Variants in H3C1 observed in about 807,000 individuals in gnomAD.
H3C1 encodes H3 clustered histone 1, also known as histone H3.1.
Under a neutral mutation model 7.3 loss-of-function variants are expected in H3C1, and 14 were observed. The observed-to-expected ratio is 1.90, with a 90% CI of 1.26 to 2.98. The LOEUF (loss-of-function observed/expected upper bound fraction) is 2.98. Among genes scored for constraint, H3C1 ranks in the 30% most tolerant of loss-of-function variants. H3C1 has a pLI of 0.00. For missense variants in H3C1, 326 were observed against 192.2 expected (o/e 1.70, Z -4.12); for synonymous variants, 181 against 76.0 (o/e 2.38, Z -7.18).
At position 26,020,910 on chromosome 6, in the gene H3C1, T is replaced by G. The variant is rs928722406; in HGVS notation, c.*10T>G. ...CGGAGAGAGGGCGTGATTACTGTGG[T>G]CTCTCTGACGGTCCAAGCAAAGGCT... On this transcript the variant is annotated 3_prime_UTR_variant, in exon 1 of 1. Transcript: ENST00000613854. 3 of 1,613,200 alleles carry G rather than the reference T, an allele frequency of 1.9e-6. No individual in the cohort carries two copies. Among genetic ancestry groups the G allele is most frequent in the Non-Finnish European group, 1.7e-6 (2 of 1,179,540 alleles).
rs1561914285 is a variant in H3C1 at position 26,020,613 on chromosome 6, T to C, written c.124T>C (p.Tyr42His). 11 of 1,614,206 alleles carry C rather than the reference T, an allele frequency of 6.8e-6. No individual in the cohort carries two copies. Among genetic ancestry groups the C allele is most frequent in the South Asian group, 1.1e-5 (1 of 91,090 alleles). The change falls in exon 1 of 1, where the codon TAC becomes CAC. Residue 42 changes from tyrosine (Y) to histidine (H), a missense_variant. Tyr to His is a moderately conservative substitution (Grantham distance 83). Transcript: ENST00000613854. ...ATGGVKKPHR[Y>H]RPGTVALREI... ...CGGCGGCGTGAAAAAGCCCCACCGC[T>C]ACCGGCCGGGCACCGTGGCTCTGCG...
chr6:26,020,793 G>GT lies in H3C1; in HGVS notation c.305dup (p.Gly103ArgfsTer4). The GT allele has an allele frequency of 6.2e-7, 1 of 1,614,242 alleles. No individual in the cohort carries two copies. ...GCAGGAGGCGTGCGAGGCCTACTTG[G>GT]TAGGGCTATTTGAGGACACTAACCT... On this transcript the variant is annotated frameshift_variant, in exon 1 of 1. Coordinates refer to ENST00000613854, the MANE Select transcript of H3C1 (RefSeq NM_003529.3). LOFTEE classifies it high-confidence loss of function.
At position 26,020,577 on chromosome 6, in the gene H3C1, G is replaced by A. The variant is rs929355621; in HGVS notation, c.88G>A (p.Ala30Thr). The change falls in exon 1 of 1, where the codon GCT (alanine) becomes ACT (threonine). Residue 30 changes from alanine to threonine, a missense_variant. Ala to Thr is a moderately conservative substitution (Grantham distance 58). Coordinates refer to ENST00000613854, the MANE Select transcript of H3C1 (RefSeq NM_003529.3). ...GGCCACTAAGGCAGCCCGCAAAAGCGCTCCGGCCACCGGCGGCGTGAAAAA... is the reference window on the plus strand; with the variant it reads ...GGCCACTAAGGCAGCCCGCAAAAGCACTCCGGCCACCGGCGGCGTGAAAAA... ...QLATKAARKS[A>T]PATGGVKKPH... The A allele has an allele frequency of 1.2e-5, 20 of 1,614,056 alleles. No individual in the cohort carries two copies. The highest frequency in any genetic ancestry group is 1.5e-5 in the Non-Finnish European group (18 of 1,180,038).
Position 26,020,849 on chromosome 6 carries a change from C to T in H3C1, c.360C>T (p.Ile120=). ...LCAIHAKRVT[I]MPKDIQLARR... is the part of the protein sequence containing the mutation. Reference sequence around the variant, plus strand: ...CCATCCACGCCAAGCGCGTCACTATCATGCCCAAGGACATCCAGCTCGCCC... The same window carrying T: ...CCATCCACGCCAAGCGCGTCACTATTATGCCCAAGGACATCCAGCTCGCCC... The change falls in exon 1 of 1, where the codon ATC becomes ATT. Residue 120 remains isoleucine (I), a synonymous_variant. Transcript: ENST00000613854. 3 of 1,614,244 alleles carry T rather than the reference C, an allele frequency of 1.9e-6. No individual in the cohort carries two copies. The highest frequency in any genetic ancestry group is 2.5e-6 in the Non-Finnish European group (3 of 1,180,044).
chr6:26,020,744 C>G lies in H3C1; in HGVS notation c.255C>G (p.Phe85Leu). The G allele has an allele frequency of 6.2e-7, 1 of 1,614,274 alleles. No individual in the cohort carries two copies. The highest frequency in any genetic ancestry group is 8.5e-7 in the Non-Finnish European group (1 of 1,180,050). The part of the protein sequence containing the change: ...IAQDFKTDLR[F>L]QSSAVMALQE... Reference sequence around the variant, plus strand: ...AGGACTTTAAAACAGACCTGCGTTTCCAGAGCTCCGCTGTGATGGCTCTGC... The same window carrying G: ...AGGACTTTAAAACAGACCTGCGTTTGCAGAGCTCCGCTGTGATGGCTCTGC... Residue 85 changes from phenylalanine to leucine, a missense_variant, in exon 1 of 1, where the codon TTC becomes TTG. Coordinates refer to ENST00000613854, the MANE Select transcript of H3C1 (RefSeq NM_003529.3).
rs1215392834 is a variant in H3C1, at chr6:26,020,557, C to G, written c.68C>G (p.Thr23Ser). The part of the protein sequence containing the change: ...GGKAPRKQLA[T>S]KAARKSAPAT... ...AAGGCGCCACGCAAACAGTTGGCCA[C>G]TAAGGCAGCCCGCAAAAGCGCTCCG... Residue 23 changes from threonine to serine, a missense_variant, in exon 1 of 1, where the codon ACT becomes AGT. Physicochemically the swap from Thr to Ser is moderately conservative, Grantham distance 58 (BLOSUM62 1). Coordinates refer to ENST00000613854, the MANE Select transcript of H3C1 (RefSeq NM_003529.3). The G allele has an allele frequency of 1.2e-6, 2 of 1,614,084 alleles. No individual in the cohort carries two copies. The highest frequency in any genetic ancestry group is 1.7e-6 in the Non-Finnish European group (2 of 1,180,044).
Position 26,020,904 on chromosome 6 carries a change from CTG to C in H3C1, c.*7_*8del. The stretch of plus-strand genomic sequence containing the variant: ...CATCCGCGGAGAGAGGGCGTGATTA[CTG>C]TGGTCTCTCTGACGGTCCAAGCAAA... On this transcript the variant is annotated 3_prime_UTR_variant, in exon 1 of 1. Coordinates refer to ENST00000613854, the MANE Select transcript of H3C1 (RefSeq NM_003529.3). 6.2e-7 allele frequency: 1 copy of C among 1,613,870 alleles called. No individual in the cohort carries two copies. Among genetic ancestry groups the C allele is most frequent in the South Asian group, 1.1e-5 (1 of 91,074 alleles).
Position 26,020,774 on chromosome 6 carries a change from G to A in H3C1, c.285G>A (p.Glu95=), listed in dbSNP as rs774045324. The part of the protein sequence containing the change: ...FQSSAVMALQ[E]ACEAYLVGLF... ...GCTCCGCTGTGATGGCTCTGCAGGA[G>A]GCGTGCGAGGCCTACTTGGTAGGGC... Residue 95 remains glutamate, a synonymous_variant, in exon 1 of 1, where the codon GAG becomes GAA. Transcript: ENST00000613854. 1.1e-5 allele frequency: 18 copies of A among 1,614,138 alleles called. No individual in the cohort carries two copies. The highest frequency in any genetic ancestry group is 1.4e-5 in the Non-Finnish European group (17 of 1,180,056).
chr6:26,020,704 T>TGAGCG lies in H3C1; in HGVS notation c.216_217insAGCGG (p.Arg73SerfsTer20), dbSNP rs777660057. 89 of 1,614,262 alleles carry TGAGCG rather than the reference T, an allele frequency of 5.5e-5. No individual in the cohort carries two copies. Among genetic ancestry groups the TGAGCG allele is most frequent in the Admixed American group, 2.3e-4 (14 of 60,028 alleles). On this transcript the variant is annotated frameshift_variant, in exon 1 of 1. Transcript: ENST00000613854. LOFTEE classifies it high-confidence loss of function. ...CGTAAACTACCTTTCCAGCGCCTGG[T>TGAGCG]GCGCGAGATTGCGCAGGACTTTAAA... is the stretch of plus-strand genomic sequence containing the variant.
At position 26,020,825 on chromosome 6, in the gene H3C1, C is replaced by T. The variant is rs757814880; in HGVS notation, c.336C>T (p.Ala112=). Residue 112 remains alanine, a synonymous_variant, in exon 1 of 1, where the codon GCC becomes GCT. Coordinates refer to ENST00000613854, the MANE Select transcript of H3C1 (RefSeq NM_003529.3). ...TATTTGAGGACACTAACCTGTGCGC[C>T]ATCCACGCCAAGCGCGTCACTATCA... ...VGLFEDTNLC[A]IHAKRVTIMP... The T allele has an allele frequency of 6.8e-6, 11 of 1,614,244 alleles. No individual in the cohort carries two copies. In the Admixed American group the frequency reaches 1.0e-4, roughly 15 times the overall value.
In H3C1 at chr6:26,020,764, C is replaced by T. The variant is rs970133629; in HGVS notation, c.275C>T (p.Ala92Val). 6.2e-7 allele frequency: 1 copy of T among 1,614,184 alleles called. No homozygotes were observed. The highest frequency in any genetic ancestry group is 8.5e-7 in the Non-Finnish European group (1 of 1,179,968). ...CGTTTCCAGAGCTCCGCTGTGATGG[C>T]TCTGCAGGAGGCGTGCGAGGCCTAC... ...DLRFQSSAVM[A>V]LQEACEAYLV... The change falls in exon 1 of 1, where the codon GCT (alanine) becomes GTT (valine). Residue 92 changes from alanine (A) to valine (V), a missense_variant. Transcript: ENST00000613854.
chr6:26,020,617 G>GGCCGGGC lies in H3C1; in HGVS notation c.129_135dup (p.Thr46AlafsTer17), dbSNP rs1561914300. 6.2e-7 allele frequency: 1 copy of GGCCGGGC among 1,614,194 alleles called. No individual in the cohort carries two copies. Among genetic ancestry groups the GGCCGGGC allele is most frequent in the South Asian group, 1.1e-5 (1 of 91,088 alleles). ...GGCGTGAAAAAGCCCCACCGCTACC[G>GGCCGGGC]GCCGGGCACCGTGGCTCTGCGCGAG... On this transcript the variant is annotated frameshift_variant, in exon 1 of 1. Coordinates refer to ENST00000613854, the MANE Select transcript of H3C1 (RefSeq NM_003529.3). LOFTEE classifies it high-confidence loss of function.
Position 26,020,540 on chromosome 6 carries a change from A to G in H3C1, c.51A>G (p.Pro17=), listed in dbSNP as rs145452674. 1,738 of 1,614,156 alleles carry G rather than the reference A, an allele frequency of 1.1e-3. 37 individuals carry two copies. In the Admixed American group the frequency reaches 0.028, roughly 26 times the overall value. The part of the protein sequence containing the change: ...TARKSTGGKA[P]RKQLATKAAR... ...GGAAGTCTACTGGTGGCAAGGCGCC[A>G]CGCAAACAGTTGGCCACTAAGGCAG... is the stretch of plus-strand genomic sequence containing the variant. Residue 17 remains proline (P), a synonymous_variant, in exon 1 of 1, where the codon CCA becomes CCG. Transcript: ENST00000613854.
Position 26,020,834 on chromosome 6 carries a change from C to T in H3C1, c.345C>T (p.Ala115=), listed in dbSNP as rs770219659. The T allele has an allele frequency of 3.1e-6, 5 of 1,614,240 alleles. No homozygotes were observed. In the Admixed American group the frequency reaches 5.0e-5, roughly 16 times the overall value. The change falls in exon 1 of 1, where the codon GCC becomes GCT. Residue 115 remains alanine (A), a synonymous_variant. Coordinates refer to ENST00000613854, the MANE Select transcript of H3C1 (RefSeq NM_003529.3). ...ACACTAACCTGTGCGCCATCCACGC[C>T]AAGCGCGTCACTATCATGCCCAAGG... ...FEDTNLCAIH[A]KRVTIMPKDI... is the part of the protein sequence containing the mutation.
At position 26,020,887 on chromosome 6, in the gene H3C1, G is replaced by A. The variant is rs763057182; in HGVS notation, c.398G>A (p.Gly133Glu). Residue 133 changes from glycine to glutamate, a missense_variant, in exon 1 of 1, where the codon GGA becomes GAA. Coordinates refer to ENST00000613854, the MANE Select transcript of H3C1 (RefSeq NM_003529.3). ...ATCCAGCTCGCCCGCCGCATCCGCG[G>A]AGAGAGGGCGTGATTACTGTGGTCT... Reference protein sequence around the residue: ...KDIQLARRIRGERA With the variant: ...KDIQLARRIREERA The A allele has an allele frequency of 1.2e-6, 2 of 1,614,164 alleles. No homozygotes were observed. Among genetic ancestry groups the A allele is most frequent in the East Asian group, 2.2e-5 (1 of 44,880 alleles).
rs757224155 is a variant in H3C1 at position 26,020,933 on chromosome 6, G to A, written c.*33G>A. On this transcript the variant is annotated 3_prime_UTR_variant, in exon 1 of 1. Coordinates refer to ENST00000613854, the MANE Select transcript of H3C1 (RefSeq NM_003529.3). ...GGTCTCTCTGACGGTCCAAGCAAAG[G>A]CTCTTTTCAGAGCCACCACCTTTTC... The A allele has an allele frequency of 7.5e-6, 12 of 1,604,848 alleles. No homozygotes were observed. The highest frequency in any genetic ancestry group is 1.0e-5 in the Non-Finnish European group (12 of 1,176,314).
chr6:26,020,584 C>G lies in H3C1; in HGVS notation c.95C>G (p.Ala32Gly), dbSNP rs926911752. The part of the protein sequence containing the change: ...ATKAARKSAP[A>G]TGGVKKPHRY... ...AAGGCAGCCCGCAAAAGCGCTCCGG[C>G]CACCGGCGGCGTGAAAAAGCCCCAC... The change falls in exon 1 of 1, where the codon GCC becomes GGC. Residue 32 changes from alanine (A) to glycine (G), a missense_variant. Physicochemically the swap from Ala to Gly is moderately conservative, Grantham distance 60. Coordinates refer to ENST00000613854, the MANE Select transcript of H3C1 (RefSeq NM_003529.3). The G allele has an allele frequency of 5.6e-6, 9 of 1,614,192 alleles. No individual in the cohort carries two copies. The highest frequency in any genetic ancestry group is 7.6e-6 in the Non-Finnish European group (9 of 1,180,032).
rs140324916 is a variant in H3C1, at chr6:26,020,867, G to C, written c.378G>C (p.Gln126His). ...KRVTIMPKDIQLARRIRGERA is the reference protein window; with the variant it reads ...KRVTIMPKDIHLARRIRGERA ...TCACTATCATGCCCAAGGACATCCAGCTCGCCCGCCGCATCCGCGGAGAGA... is the reference window on the plus strand; with the variant it reads ...TCACTATCATGCCCAAGGACATCCACCTCGCCCGCCGCATCCGCGGAGAGA... The change falls in exon 1 of 1, where the codon CAG becomes CAC. Residue 126 changes from glutamine (Q) to histidine (H), a missense_variant. Gln to His is a conservative substitution (Grantham distance 24). Coordinates refer to ENST00000613854, the MANE Select transcript of H3C1 (RefSeq NM_003529.3). 3.6e-5 allele frequency: 58 copies of C among 1,613,952 alleles called. No individual in the cohort carries two copies. Among genetic ancestry groups the C allele is most frequent in the Non-Finnish European group, 4.7e-5 (55 of 1,179,952 alleles).
At position 26,020,939 on chromosome 6, in the gene H3C1, T is replaced by C. The variant is rs767571943; in HGVS notation, c.*39T>C. On this transcript the variant is annotated 3_prime_UTR_variant, in exon 1 of 1. Transcript: ENST00000613854. ...TCTGACGGTCCAAGCAAAGGCTCTT[T>C]TCAGAGCCACCACCTTTTCAAGTAA... 4 of 1,598,740 alleles carry C rather than the reference T, an allele frequency of 2.5e-6. No homozygotes were observed. The highest frequency in any genetic ancestry group is 3.5e-5 in the Admixed American group (2 of 56,374).
Sources: gnomAD v4.1 joint callset for allele counts on GRCh38, gnomAD v4.1.1 for gene constraint, MANE v1.5 for transcripts, NCBI Gene and HGNC (gene_info 2026-07-23, HGNC 2026-07-21) for gene names.